Variants in HMCN1 observed in about 807,000 individuals in gnomAD.
The protein encoded by HMCN1 is hemicentin 1.
HMCN1 carries 321 observed loss-of-function variants against 625.9 expected under a neutral mutation model. The ratio of observed to expected loss-of-function variants is 0.51; its 90% confidence interval spans 0.47 to 0.56. The LOEUF is 0.56. Ranked by LOEUF, HMCN1 falls within the 20% of genes least tolerant of loss-of-function variation. HMCN1 has a pLI of 0.00. For missense variants in HMCN1, 6,588 were observed against 6,887.3 expected (o/e 0.96, Z 1.54); for synonymous variants, 2,425 against 2,417.6 (o/e 1.00, Z -0.09).
At chr1:185,746,284 T>C (rs1395852713) in intron 1 of HMCN1, among the ~76,000 whole-genome samples, 1 of 152,212 alleles carries the variant, frequency 6.6e-6, no homozygotes, top group Non-Finnish European at 1.5e-5. Context: ...TGTGTAATCT[T>C]AAGTTCTTTG....
At chr1:186,074,645 C>CA in intron 52 of HMCN1, 96 bp from the exon 53 acceptor site, 1 of 1,060,548 alleles carries the variant, frequency 9.4e-7, no homozygotes, top group Non-Finnish European at 1.4e-6. Flanking sequence ...ATTTTATTTT[C>CA]ATTTATTTAA....
intron 48 of HMCN1, among the ~76,000 whole-genome samples, chr1:186,063,819 T>G: frequency 6.6e-6 from 1 of 152,298 alleles, no homozygotes; most frequent in East Asian, 1.9e-4. Context: ...AAAACCAGTT[T>G]CACCATCTTT....
chr1:185,889,458 G>C (rs1664900608), intron 4 of HMCN1, among the ~76,000 whole-genome samples: 1 of 145,942 alleles, frequency 6.9e-6, no homozygotes, highest in South Asian at 2.1e-4. Context: ...GTCATAGATA[G>C]CTCTTATTAT....
chr1:186,185,278 T>C (rs1384980041), intron 105 of HMCN1, among the ~76,000 whole-genome samples: 1 of 152,114 alleles, frequency 6.6e-6, no homozygotes, highest in Admixed American at 6.5e-5. Flanking sequence ...ATGATGAAAA[T>C]AAGATAAAAT....
chr1:185,857,682 T>C (rs1662556835), intron 2 of HMCN1, among the ~76,000 whole-genome samples: 1 of 152,170 alleles, frequency 6.6e-6, no homozygotes, highest in South Asian at 2.1e-4. Context: ...TGGGATGGGC[T>C]AGGCTTAAGT....
At position 186,069,405 on chromosome 1, in the gene HMCN1, G is replaced by A. The variant is rs559265654; in HGVS notation, c.7880-258G>A. ...GACCTTATGAAGGATCTTAGCTAGA[G>A]TGGTATACAAAGGCATGGCAGGTCT... On this transcript the variant is annotated intron_variant, in intron 50 of 106. Coordinates refer to ENST00000271588, the MANE Select transcript of HMCN1 (RefSeq NM_031935.3). 1.1e-4 allele frequency among the ~76,000 whole-genome samples: 16 copies of A among 152,286 alleles called. No homozygotes were observed. In the East Asian group the frequency reaches 2.5e-3, roughly 24 times the overall value.
At chr1:185,925,739 A>G (rs1430560057) in intron 9 of HMCN1, among the ~76,000 whole-genome samples, 1 of 152,220 alleles carries the variant, frequency 6.6e-6, no homozygotes, top group Non-Finnish European at 1.5e-5. Context: ...TGGAGCAAAG[A>G]CATAAAGATG....
intron 1 of HMCN1, among the ~76,000 whole-genome samples, chr1:185,801,456 C>T (rs1658787632): frequency 6.6e-6 from 1 of 152,204 alleles, no homozygotes; most frequent in Non-Finnish European, 1.5e-5. Flanking sequence ...GCTTCTGCAA[C>T]ATGCTAGATA....
chr1:186,040,014 C>T lies in HMCN1; in HGVS notation c.6180+135C>T. On this transcript the variant is annotated intron_variant, in intron 39 of 106. Coordinates refer to ENST00000271588, the MANE Select transcript of HMCN1 (RefSeq NM_031935.3). ...TATTTTTTAAATACACATATGCAAC[C>T]ATAAACACCATGGACACATAACTGG... The T allele has an allele frequency of 4.8e-6, 4 of 837,536 alleles. No homozygotes were observed. The South Asian group carries it at 5.7e-5, about 12-fold the overall frequency. The allele number at this position is 837,536 out of a possible 1,614,324, so 51.9% of individuals were successfully genotyped here.
At chr1:185,952,610 A>AT (rs1250826643) in intron 11 of HMCN1, among the ~76,000 whole-genome samples, 1 of 151,670 alleles carries the variant, frequency 6.6e-6, no homozygotes, top group Non-Finnish European at 1.5e-5. Flanking sequence ...TTTAAGTGCC[A>AT]TTTTCCGGCT....
At chr1:185,987,760 G>C (rs942833928) in intron 20 of HMCN1, among the ~76,000 whole-genome samples, 7 of 151,314 alleles carry the variant, frequency 4.6e-5, no homozygotes, top group Admixed American at 3.3e-4. Context: ...AGGAAGTTGG[G>C]TATTTATACA....
intron 4 of HMCN1, among the ~76,000 whole-genome samples, chr1:185,900,775 TG>T (rs1665761323): frequency 1.3e-5 from 2 of 151,898 alleles, no homozygotes; most frequent in Non-Finnish European, 2.9e-5. Context: ...GATGAGATAT[TG>T]AGAACTTCAC....
intron 32 of HMCN1, 95 bp downstream of exon 32, chr1:186,016,334 C>T: frequency 8.2e-7 from 1 of 1,224,200 alleles, no homozygotes; most frequent in Non-Finnish European, 1.2e-6. Context: ...ATAAAACAAT[C>T]TAAAAGAAGG....
chr1:186,117,384 A>G, intron 76 of HMCN1, 75 bp from the exon 77 acceptor site: 1 of 1,517,170 alleles, frequency 6.6e-7, no homozygotes, highest in South Asian at 1.1e-5. Context: ...AAGAGGATGT[A>G]TGATAAGTCT....
intron 11 of HMCN1, among the ~76,000 whole-genome samples, chr1:185,947,905 G>T (rs184565747): frequency 6.6e-6 from 1 of 152,154 alleles, no homozygotes; most frequent in Non-Finnish European, 1.5e-5. Context: ...CTAGTTTCAC[G>T]TGGAAAAGTT....
At position 185,925,147 on chromosome 1, in the gene HMCN1, C is replaced by A; in HGVS notation, c.1386C>A (p.Ser462Arg). 1 of 1,613,886 alleles carries A rather than the reference C, an allele frequency of 6.2e-7. No individual in the cohort carries two copies. The highest frequency in any genetic ancestry group is 1.3e-5 in the African/African-American group (1 of 75,006). ...SVDSLLPFTL[S>R]FVRNGVTLGV... ...ACAGTCTTTTGCCCTTTACCTTGAG[C>A]TTTGTCAGAAATGGAGTTACACTTG... Residue 462 changes from serine to arginine, a missense_variant, in exon 9 of 107, where the codon AGC becomes AGA. Around this residue, in one of 3 missense-constraint regions of HMCN1, gnomAD observed 4,628 missense variants for 4,853.1 expected, o/e 0.95. Transcript: ENST00000271588.
intron 1 of HMCN1, among the ~76,000 whole-genome samples, chr1:185,756,479 A>G (rs558065781): frequency 1.7e-5 from 2 of 120,990 alleles, no homozygotes; most frequent in Non-Finnish European, 3.3e-5. Context: ...ACCTCAGGGT[A>G]AAAAAAAAAA....
At chr1:185,916,642 T>G (rs995454943) in intron 6 of HMCN1, among the ~76,000 whole-genome samples, 6 of 152,222 alleles carry the variant, frequency 3.9e-5, no homozygotes, top group Non-Finnish European at 7.3e-5. Flanking sequence ...ATTTACTATT[T>G]TATAAAACAT....
chr1:185,911,565 G>A lies in HMCN1; in HGVS notation c.794-109G>A, dbSNP rs1041645126. ...GCACACTTTGGTAAAAAATGAGCCA[G>A]TGTTATTTGAAATTTGATCATGCTC... On this transcript the variant is annotated intron_variant, in intron 5 of 106. Coordinates refer to ENST00000271588, the MANE Select transcript of HMCN1 (RefSeq NM_031935.3). 6.0e-5 allele frequency: 52 copies of A among 860,300 alleles called. No individual in the cohort carries two copies. In the African/African-American group the frequency reaches 8.3e-4, roughly 14 times the overall value. The allele number at this position is 860,300 out of a possible 1,614,324, so 53.3% of individuals were successfully genotyped here.
Sources: gnomAD v4.1 joint callset for allele counts (sites outside exome capture counted in the v4.1 genomes callset) on GRCh38, gnomAD v4.1.1 for gene constraint, gnomAD v4.1.1 regional missense constraint, MANE v1.5 for transcripts, NCBI Gene and HGNC (gene_info 2026-07-23, HGNC 2026-07-21) for gene names.